The following WWOX variants were observed in gnomAD, a reference collection of about 807,000 sequenced individuals.
The protein encoded by WWOX is WW domain-containing oxidoreductase.
In WWOX, 69 loss-of-function variants were observed where a neutral mutation model predicts 46.2. That is an observed-to-expected ratio of 1.49 (90% CI 1.23 to 1.82). The LOEUF (loss-of-function observed/expected upper bound fraction) is 1.82, where lower values mean the gene tolerates loss of function less well. Among genes scored for constraint, WWOX ranks in the 40% most tolerant of loss-of-function variants. WWOX has a pLI of 0.00. For missense variants in WWOX, 919 were observed against 542.6 expected (o/e 1.69, Z -6.89); for synonymous variants, 359 against 202.6 (o/e 1.77, Z -6.56).
Position 78,363,671 on chromosome 16 carries a change from A to G in WWOX, c.517-23189A>G, listed in dbSNP as rs1337613671. On this transcript the variant is annotated intron_variant, in intron 5 of 8. Transcript: ENST00000566780. ...TTTCTTCTAAATATACTTGACCACCACCATTCAGGTTCTTCTATTAACCTT... is the reference window on the plus strand; with the variant it reads ...TTTCTTCTAAATATACTTGACCACCGCCATTCAGGTTCTTCTATTAACCTT... Among the ~76,000 whole-genome samples, 6 of 152,184 alleles carry G rather than the reference A, an allele frequency of 3.9e-5. No homozygotes were observed. The East Asian group carries it at 9.7e-4, about 25-fold the overall frequency.
chr16:78,675,376 T>TA lies in WWOX; in HGVS notation c.1056+242626dup, dbSNP rs531297142. ...CATATCGTTCATCTACATAAATAAA[T>TA]AATATTTACAGAAACTCATCTCTGC... On this transcript the variant is annotated intron_variant, in intron 8 of 8. Coordinates refer to ENST00000566780, the MANE Select transcript of WWOX (RefSeq NM_016373.4). Among the ~76,000 whole-genome samples, 210 of 152,310 alleles carry TA rather than the reference T, an allele frequency of 1.4e-3. 2 individuals are homozygous for TA. Among genetic ancestry groups the TA allele is most frequent in the Middle Eastern group, 3.4e-3 (1 of 294 alleles).
At chr16:78,317,103 A>G (rs1382788395) in intron 5 of WWOX, among the ~76,000 whole-genome samples, 1 of 152,138 alleles carries the variant, frequency 6.6e-6, no homozygotes, top group Admixed American at 6.5e-5. Flanking sequence ...AATTGGAGGG[A>G]CTTGGAGAAG....
At chr16:78,541,543 C>T (rs553028975) in intron 8 of WWOX, among the ~76,000 whole-genome samples, 1 of 142,792 alleles carries the variant, frequency 7.0e-6, no homozygotes, top group Non-Finnish European at 1.5e-5. Context: ...CAGAAATACA[C>T]TGAGATATCT....
intron 8 of WWOX, among the ~76,000 whole-genome samples, chr16:79,059,189 G>T (rs1280819168): frequency 1.3e-5 from 2 of 152,156 alleles, no homozygotes; most frequent in Non-Finnish European, 2.9e-5. Flanking sequence ...GCAAGAAATG[G>T]ATTTCATCCT....
At chr16:79,198,465 C>T (rs2051284018) in intron 8 of WWOX, among the ~76,000 whole-genome samples, 1 of 152,170 alleles carries the variant, frequency 6.6e-6, no homozygotes, top group African/African-American at 2.4e-5. Context: ...TTATTATTTT[C>T]CCATGGGCAA....
intron 8 of WWOX, among the ~76,000 whole-genome samples, chr16:78,626,170 G>A (rs946357108): frequency 2.7e-4 from 40 of 150,184 alleles, no homozygotes; most frequent in African/African-American, 9.3e-4. Context: ...TGGCTCTTTT[G>A]CCCAGGATGG....
chr16:78,640,451 C>G (rs550334025), intron 8 of WWOX, among the ~76,000 whole-genome samples: 1 of 151,956 alleles, frequency 6.6e-6, no homozygotes, highest in African/African-American at 2.4e-5. Context: ...ACATTCTGCA[C>G]CTCCCAGGCT....
chr16:78,691,343 C>T, intron 8 of WWOX: 1 of 696,386 alleles, frequency 1.4e-6, no homozygotes, highest in Non-Finnish European at 2.6e-6. Context: ...TTCAACATAG[C>T]TTTATCTTAT....
intron 8 of WWOX, among the ~76,000 whole-genome samples, chr16:79,151,493 A>G (rs923497042): frequency 2.6e-5 from 4 of 152,240 alleles, no homozygotes; most frequent in African/African-American, 4.8e-5. Flanking sequence ...ACAGTAACCA[A>G]TACCGCTCCT....
At chr16:78,323,211 A>G (rs1402978184) in intron 5 of WWOX, among the ~76,000 whole-genome samples, 1 of 152,004 alleles carries the variant, frequency 6.6e-6, no homozygotes, top group Non-Finnish European at 1.5e-5. Context: ...GGTTCACGCC[A>G]TTCTCCTGCC....
chr16:78,419,429 A>C (rs2082871970), intron 6 of WWOX, among the ~76,000 whole-genome samples: 1 of 152,096 alleles, frequency 6.6e-6, no homozygotes, highest in Non-Finnish European at 1.5e-5. Context: ...ATATTGGCAT[A>C]AGAATAGATC....
intron 8 of WWOX, among the ~76,000 whole-genome samples, chr16:79,051,275 G>A (rs955215525): frequency 6.6e-6 from 1 of 152,164 alleles, no homozygotes; most frequent in Non-Finnish European, 1.5e-5. Flanking sequence ...AATAATTTTT[G>A]CATCATGCGC....
chr16:78,970,632 T>A (rs1429634213), intron 8 of WWOX, among the ~76,000 whole-genome samples: 1 of 152,148 alleles, frequency 6.6e-6, no homozygotes, highest in Non-Finnish European at 1.5e-5. Flanking sequence ...TAACAAAGAT[T>A]ATAGTGTAAT....
chr16:78,327,711 G>A (rs1012854342), intron 5 of WWOX, among the ~76,000 whole-genome samples: 1 of 151,994 alleles, frequency 6.6e-6, no homozygotes, highest in African/African-American at 2.4e-5. Context: ...TGAATAGCAA[G>A]CATATAGATA....
intron 4 of WWOX, among the ~76,000 whole-genome samples, chr16:78,138,042 A>G (rs2033860596): frequency 6.6e-6 from 1 of 150,718 alleles, no homozygotes; most frequent in Non-Finnish European, 1.5e-5. Context: ...ATCAGCTTCT[A>G]TAATGGATGC....
At chr16:78,820,411 T>C (rs187110458) in intron 8 of WWOX, among the ~76,000 whole-genome samples, 2 of 152,160 alleles carry the variant, frequency 1.3e-5, no homozygotes, top group Non-Finnish European at 2.9e-5. Context: ...TTTGGAGACA[T>C]CTCAGTATTC....
chr16:78,310,689 C>G (rs554401115), intron 5 of WWOX, among the ~76,000 whole-genome samples: 1 of 152,208 alleles, frequency 6.6e-6, no homozygotes, highest in African/African-American at 2.4e-5. Flanking sequence ...ACCCCAAAAC[C>G]TTGCTCTAGA....
intron 8 of WWOX, among the ~76,000 whole-genome samples, chr16:79,119,672 C>T (rs1010058100): frequency 6.6e-6 from 1 of 152,194 alleles, no homozygotes; most frequent in Non-Finnish European, 1.5e-5. Flanking sequence ...CGGGACTGTC[C>T]AGCCGGGAGG....
chr16:78,263,223 C>A (rs1438045800), intron 5 of WWOX, among the ~76,000 whole-genome samples: 1 of 152,148 alleles, frequency 6.6e-6, no homozygotes, highest in Non-Finnish European at 1.5e-5. Context: ...GCGAGACTTC[C>A]TCTCAAAGAA....
Sources: gnomAD v4.1 joint callset for allele counts (sites outside exome capture counted in the v4.1 genomes callset) on GRCh38, gnomAD v4.1.1 for gene constraint, MANE v1.5 for transcripts, NCBI Gene and HGNC (gene_info 2026-07-23, HGNC 2026-07-21) for gene names.